IL1RAPL2: variants seen among roughly 807,000 people sequenced by gnomAD.
IL1RAPL2 encodes interleukin 1 receptor accessory protein like 2, also known as X-linked interleukin-1 receptor accessory protein-like 2.
IL1RAPL2 carries 3 observed loss-of-function variants against 44.1 expected under a neutral mutation model. The observed-to-expected ratio is 0.07, with a 90% CI of 0.03 to 0.18. The LOEUF (loss-of-function observed/expected upper bound fraction) is 0.18, where lower values mean the gene tolerates loss of function less well. Among genes scored for constraint, IL1RAPL2 ranks in the 10% least tolerant of loss-of-function variants. IL1RAPL2 has a pLI of 1.00. For missense variants in IL1RAPL2, 391 were observed against 496.4 expected (o/e 0.79, Z 2.02); for synonymous variants, 181 against 178.8 (o/e 1.01, Z -0.10).
intron 4 of IL1RAPL2, among the ~76,000 whole-genome samples, chrX:105,243,729 A>C (rs1222080755): frequency 1.8e-5 from 2 of 109,331 alleles, no homozygotes; most frequent in East Asian, 5.7e-4. Flanking sequence ...AGTTCAGGGT[A>C]ATGGGTGGAG....
chrX:105,597,894 A>G (rs1302110928), intron 6 of IL1RAPL2, among the ~76,000 whole-genome samples: 1 of 111,778 alleles, frequency 8.9e-6, no homozygotes, highest in African/African-American at 3.3e-5. Flanking sequence ...AACAGTATGG[A>G]CATTTTTTTT....
intron 2 of IL1RAPL2, among the ~76,000 whole-genome samples, chrX:105,112,714 T>C (rs2032813868): frequency 8.9e-6 from 1 of 112,869 alleles, no homozygotes; most frequent in East Asian, 2.8e-4. Flanking sequence ...GCAACATAAG[T>C]CTGTGTGGGT....
chrX:105,756,080 TG>T (rs1253536129), intron 10 of IL1RAPL2, among the ~76,000 whole-genome samples: 1 of 111,735 alleles, frequency 8.9e-6, no homozygotes, highest in Non-Finnish European at 1.9e-5. Context: ...AAAATGCCAT[TG>T]AGGAAAATAT....
chrX:104,722,327 C>T (rs962351650), intron 2 of IL1RAPL2, among the ~76,000 whole-genome samples: 7 of 111,136 alleles, frequency 6.3e-5, no homozygotes, highest in African/African-American at 2.0e-4. Context: ...ATGAAATATT[C>T]TTTAAAAAAT....
At chrX:104,964,955 G>A (rs2030091293) in intron 2 of IL1RAPL2, among the ~76,000 whole-genome samples, 1 of 110,848 alleles carries the variant, frequency 9.0e-6, no homozygotes, top group South Asian at 3.8e-4. Context: ...TTACAGGTGT[G>A]AGTCATCATG....
At chrX:104,702,044 C>T (rs1931283282) in intron 2 of IL1RAPL2, among the ~76,000 whole-genome samples, 1 of 111,405 alleles carries the variant, frequency 9.0e-6, no homozygotes, top group African/African-American at 3.3e-5. Context: ...ATAAATTATG[C>T]TCTACCCTTC....
At chrX:105,138,473 C>CAAA (rs371757842) in intron 2 of IL1RAPL2, among the ~76,000 whole-genome samples, 1 of 54,478 alleles carries the variant, frequency 1.8e-5, no homozygotes, top group Non-Finnish European at 3.4e-5. Context: ...ATATAATTAC[C>CAAA]AAAAAAAAAA....
At chrX:105,394,007 T>C (rs1490197975) in intron 5 of IL1RAPL2, among the ~76,000 whole-genome samples, 1 of 112,049 alleles carries the variant, frequency 8.9e-6, no homozygotes, top group Non-Finnish European at 1.9e-5. Flanking sequence ...AGATTCACAG[T>C]TGATCATTTT....
In IL1RAPL2 at chrX:105,311,285, A is replaced by G. The variant is rs1212521154; in HGVS notation, c.697+43744A>G. Among the ~76,000 whole-genome samples, 3 of 110,270 alleles carry G rather than the reference A, an allele frequency of 2.7e-5. No homozygotes were observed. In the Admixed American group the frequency reaches 2.9e-4, roughly 11 times the overall value. On this transcript the variant is annotated intron_variant, in intron 5 of 10. Transcript: ENST00000372582. ...TGAACTATTTATTCCCTTTACATTC[A>G]ATATATATATGATATGCTTAAGTTT...
At chrX:104,595,320 G>A (rs752966873) in intron 1 of IL1RAPL2, among the ~76,000 whole-genome samples, 6 of 111,599 alleles carry the variant, frequency 5.4e-5, no homozygotes, top group Admixed American at 2.9e-4. Context: ...GAGGTGCTAT[G>A]AACTGAGATA....
chrX:104,998,489 G>T lies in IL1RAPL2; in HGVS notation c.83-196986G>T, dbSNP rs923186786. Reference sequence around the variant, plus strand: ...TGTGTTTGTTTTATTAAAATAGAACGTACACCAGTCTCAGTGGCTCATGCC... The same window carrying T: ...TGTGTTTGTTTTATTAAAATAGAACTTACACCAGTCTCAGTGGCTCATGCC... On this transcript the variant is annotated intron_variant, in intron 2 of 10. Coordinates refer to ENST00000372582, the MANE Select transcript of IL1RAPL2 (RefSeq NM_017416.2). Among the ~76,000 whole-genome samples, 3 of 111,558 alleles carry T rather than the reference G, an allele frequency of 2.7e-5. No individual in the cohort carries two copies. In the South Asian group the frequency reaches 1.1e-3, roughly 42 times the overall value.
intron 6 of IL1RAPL2, among the ~76,000 whole-genome samples, chrX:105,649,931 A>C (rs940560913): frequency 2.7e-5 from 3 of 111,527 alleles, no homozygotes; most frequent in Non-Finnish European, 1.9e-5. Context: ...TCCTTCAGAA[A>C]GTAAGGAGGA....
At chrX:105,438,986 G>A (rs1444893137) in intron 5 of IL1RAPL2, among the ~76,000 whole-genome samples, 2 of 110,617 alleles carry the variant, frequency 1.8e-5, no homozygotes, top group Non-Finnish European at 3.8e-5. Flanking sequence ...TAGTGAGGGA[G>A]TTCTCACAAT....
chrX:105,114,261 A>G (rs1451375962), intron 2 of IL1RAPL2, among the ~76,000 whole-genome samples: 1 of 112,008 alleles, frequency 8.9e-6, no homozygotes, highest in Non-Finnish European at 1.9e-5. Flanking sequence ...CCCTCATCAG[A>G]CAATGAATCT....
At chrX:105,495,397 A>G (rs1252072718) in intron 6 of IL1RAPL2, among the ~76,000 whole-genome samples, 2 of 112,330 alleles carry the variant, frequency 1.8e-5, no homozygotes, top group African/African-American at 6.5e-5. Flanking sequence ...TAGTATATTC[A>G]TCAAGTCCAC....
intron 2 of IL1RAPL2, among the ~76,000 whole-genome samples, chrX:105,084,018 G>A: frequency 8.9e-6 from 1 of 112,558 alleles, no homozygotes; most frequent in East Asian, 2.8e-4. Flanking sequence ...ACATGGTGTT[G>A]GGCCTGCGGG....
intron 2 of IL1RAPL2, among the ~76,000 whole-genome samples, chrX:104,842,207 G>A (rs1415759896): frequency 9.2e-6 from 1 of 109,090 alleles, no homozygotes; most frequent in Non-Finnish European, 1.9e-5. Flanking sequence ...TATGCTTCAC[G>A]AAGTTCTCGT....
chrX:105,718,483 A>G (rs1417766015), intron 7 of IL1RAPL2, among the ~76,000 whole-genome samples: 1 of 111,499 alleles, frequency 9.0e-6, no homozygotes, highest in East Asian at 2.8e-4. Flanking sequence ...TCTATGCAAA[A>G]TATTTACTAT....
chrX:104,906,423 A>G (rs1404264510), intron 2 of IL1RAPL2, among the ~76,000 whole-genome samples: 7 of 111,218 alleles, frequency 6.3e-5, no homozygotes, highest in Middle Eastern at 4.6e-3. Context: ...CCCATTCAGT[A>G]TGATATTGGC....
Sources: allele counts gnomAD v4.1 joint callset (sites outside exome capture counted in the v4.1 genomes callset), GRCh38; gene constraint gnomAD v4.1.1; transcripts MANE v1.5; gene names NCBI Gene and HGNC (gene_info 2026-07-23, HGNC 2026-07-21).